Variants in SHISA9 observed in about 807,000 individuals in gnomAD.
SHISA9 encodes the protein protein shisa-9.
Under a neutral mutation model 38.0 loss-of-function variants are expected in SHISA9, and 13 were observed. The observed-to-expected ratio is 0.34, with a 90% CI of 0.22 to 0.54. The LOEUF (loss-of-function observed/expected upper bound fraction) is 0.54, where lower values mean the gene tolerates loss of function less well. Ranked by LOEUF, SHISA9 falls within the 20% of genes least tolerant of loss-of-function variation. SHISA9 has a pLI of 0.91. For missense variants in SHISA9, 538 were observed against 575.8 expected (o/e 0.93, Z 0.67); for synonymous variants, 275 against 242.0 (o/e 1.14, Z -1.27).
chr16:13,036,462 G>A (rs748372657), intron 2 of SHISA9, among the ~76,000 whole-genome samples: 17 of 152,110 alleles, frequency 1.1e-4, no homozygotes, highest in African/African-American at 4.1e-4. Context: ...GTTTGTCTGA[G>A]GCCAGAGGTT....
At chr16:13,308,394 G>C in the SHISA9 span, among the ~76,000 whole-genome samples, 5 of 152,138 alleles carry the variant, frequency 3.3e-5, no homozygotes, top group African/African-American at 1.2e-4. Flanking sequence ...GTGGCCTCTG[G>C]TCTTTCTCTG....
chr16:13,265,676 G>A, the SHISA9 span, among the ~76,000 whole-genome samples: 2 of 149,916 alleles, frequency 1.3e-5, no homozygotes, highest in East Asian at 2.0e-4. Context: ...TTCATCGAGT[G>A]CAGTGCATAC....
At chr16:13,424,019 C>G in the SHISA9 span, among the ~76,000 whole-genome samples, 108,135 of 152,150 alleles carry the variant, frequency 0.71, 38,600 homozygotes, top group East Asian at 0.81. Flanking sequence ...GGTAATATCT[C>G]TTTTGATGAA....
chr16:13,516,784 C>G, the SHISA9 span, among the ~76,000 whole-genome samples: 1 of 119,026 alleles, frequency 8.4e-6, no homozygotes, highest in Non-Finnish European at 1.7e-5. Context: ...GGAAACAGAG[C>G]AAGATTCCAT....
intron 2 of SHISA9, among the ~76,000 whole-genome samples, chr16:13,019,947 CTTTCTT>C: frequency 1.0e-5 from 1 of 98,862 alleles, no homozygotes; most frequent in Non-Finnish European, 2.2e-5. Context: ...TTCTTTCTTT[CTTTCTT>C]TCTTTCCCTC....
At chr16:13,034,808 T>G (rs993247672) in intron 2 of SHISA9, among the ~76,000 whole-genome samples, 1 of 152,206 alleles carries the variant, frequency 6.6e-6, no homozygotes, top group Non-Finnish European at 1.5e-5. Context: ...AAGACTACTC[T>G]GATGAAGGAG....
intron 2 of SHISA9, among the ~76,000 whole-genome samples, chr16:13,039,484 G>A (rs1156330976): frequency 2.0e-5 from 2 of 102,550 alleles, no homozygotes; most frequent in East Asian, 2.4e-4. Context: ...AATGTCATGG[G>A]GTTTTTTTTT....
intron 2 of SHISA9, among the ~76,000 whole-genome samples, chr16:13,093,465 C>G (rs563444664): frequency 3.9e-5 from 6 of 152,296 alleles, no homozygotes; most frequent in African/African-American, 1.4e-4. Context: ...GAGGAGTTTT[C>G]ATGAACACTG....
intron 2 of SHISA9, among the ~76,000 whole-genome samples, chr16:12,972,039 GTT>G (rs1491232429): frequency 3.4e-5 from 4 of 118,790 alleles, no homozygotes; most frequent in Admixed American, 9.2e-5. Flanking sequence ...CTCTCTTGGA[GTT>G]TGTGTGTGTG....
the SHISA9 span, among the ~76,000 whole-genome samples, chr16:13,438,411 C>T: frequency 6.6e-6 from 1 of 152,062 alleles, no homozygotes; most frequent in African/African-American, 2.4e-5. Context: ...TTTTCTATCT[C>T]TAACAGTAGC....
chr16:12,974,467 T>C (rs2141815870), intron 2 of SHISA9, among the ~76,000 whole-genome samples: 1 of 144,242 alleles, frequency 6.9e-6, no homozygotes, highest in South Asian at 2.2e-4. Flanking sequence ...GGCTAGCAAG[T>C]GATTTCTGGT....
intron 2 of SHISA9, among the ~76,000 whole-genome samples, chr16:12,925,914 T>TG (rs2071388095): frequency 6.6e-6 from 1 of 152,144 alleles, no homozygotes; most frequent in Non-Finnish European, 1.5e-5. Context: ...TTAGTAGAGA[T>TG]GGGGTCTCGC....
chr16:13,399,637 T>C, the SHISA9 span, among the ~76,000 whole-genome samples: 1,367 of 152,284 alleles, frequency 9.0e-3, 20 homozygotes, highest in African/African-American at 0.031. Context: ...TTGCATTTCA[T>C]TGGGCACAGG....
chr16:12,970,354 T>TACAC (rs1567356839), intron 2 of SHISA9, among the ~76,000 whole-genome samples: 5 of 48,698 alleles, frequency 1.0e-4, no homozygotes, highest in East Asian at 2.9e-4. Context: ...CATATATGTG[T>TACAC]ATATATATAT....
the SHISA9 span, among the ~76,000 whole-genome samples, chr16:13,466,186 A>G: frequency 6.6e-6 from 1 of 152,206 alleles, no homozygotes; most frequent in African/African-American, 2.4e-5. Flanking sequence ...AAACACTACA[A>G]TGATCCCATT....
chr16:13,162,495 T>C (rs2050603549), intron 2 of SHISA9, among the ~76,000 whole-genome samples: 1 of 152,220 alleles, frequency 6.6e-6, no homozygotes, highest in Non-Finnish European at 1.5e-5. Context: ...ATACAGTACA[T>C]CTTTAATACA....
the SHISA9 span, chr16:13,331,840 A>G: frequency 6.6e-6 from 1 of 152,004 alleles, no homozygotes; most frequent in Non-Finnish European, 1.5e-5. Context: ...AATAATACTT[A>G]CCCCATGTTG....
the SHISA9 span, among the ~76,000 whole-genome samples, chr16:13,277,772 A>T: frequency 6.6e-6 from 1 of 151,922 alleles, no homozygotes; most frequent in African/African-American, 2.4e-5. Flanking sequence ...CATTAATCTC[A>T]TATCCAGAAA....
At chr16:13,135,143 G>A (rs564717807) in intron 2 of SHISA9, among the ~76,000 whole-genome samples, 1 of 152,152 alleles carries the variant, frequency 6.6e-6, no homozygotes, top group Non-Finnish European at 1.5e-5. Flanking sequence ...TTCTTCCATA[G>A]GGAAGAACAG....
Sources: allele counts gnomAD v4.1 joint callset (sites outside exome capture counted in the v4.1 genomes callset), GRCh38; gene constraint gnomAD v4.1.1; transcripts MANE v1.5; gene names NCBI Gene and HGNC (gene_info 2026-07-23, HGNC 2026-07-21).